CDKAL1: variants seen among roughly 807,000 people sequenced by gnomAD.
The protein encoded by CDKAL1 is CDKAL1 threonylcarbamoyladenosine tRNA methylthiotransferase.
Under a neutral mutation model 68.2 loss-of-function variants are expected in CDKAL1, and 32 were observed. That is an observed-to-expected ratio of 0.47 (90% CI 0.35 to 0.63). The LOEUF (loss-of-function observed/expected upper bound fraction) is 0.63. Among genes scored for constraint, CDKAL1 ranks in the 30% least tolerant of loss-of-function variants. The pLI is 0.00. For missense variants in CDKAL1, 606 were observed against 696.7 expected (o/e 0.87, Z 1.47); for synonymous variants, 234 against 244.3 (o/e 0.96, Z 0.39).
At chr6:20,549,532 GGT>G (rs1410169532) in intron 4 of CDKAL1, among the ~76,000 whole-genome samples, 2 of 151,208 alleles carry the variant, frequency 1.3e-5, no homozygotes, top group Non-Finnish European at 3.0e-5. Context: ...TTATTACTGT[GGT>G]GTTTACTTAA....
intron 4 of CDKAL1, among the ~76,000 whole-genome samples, chr6:20,562,599 G>A (rs1167080891): frequency 2.0e-5 from 3 of 151,850 alleles, no homozygotes; most frequent in Admixed American, 6.6e-5. Flanking sequence ...AAAATTAATC[G>A]GCTATGGTGG....
intron 11 of CDKAL1, among the ~76,000 whole-genome samples, chr6:21,001,694 T>C (rs1767436216): frequency 1.3e-5 from 2 of 152,258 alleles, no homozygotes; most frequent in Non-Finnish European, 2.9e-5. Flanking sequence ...AAGTATCTGC[T>C]GTTGGCCTAT....
chr6:20,907,586 C>A (rs1364456449), intron 9 of CDKAL1, among the ~76,000 whole-genome samples: 1 of 152,174 alleles, frequency 6.6e-6, no homozygotes, highest in East Asian at 1.9e-4. Flanking sequence ...CTAGGAGGTA[C>A]GTGTAGCAGT....
chr6:20,793,272 T>C (rs1775973345), intron 8 of CDKAL1, among the ~76,000 whole-genome samples: 1 of 152,202 alleles, frequency 6.6e-6, no homozygotes. Context: ...TTGGTCTTAT[T>C]TTTAAAATTT....
At chr6:20,697,615 C>T (rs549892480) in intron 5 of CDKAL1, among the ~76,000 whole-genome samples, 15 of 152,300 alleles carry the variant, frequency 9.8e-5, no homozygotes, top group Admixed American at 6.5e-4. Context: ...AAAGGAAGCA[C>T]ATTCATAAAC....
At chr6:20,793,590 CAA>C (rs1219087397) in intron 8 of CDKAL1, among the ~76,000 whole-genome samples, 1 of 151,844 alleles carries the variant, frequency 6.6e-6, no homozygotes, top group Non-Finnish European at 1.5e-5. Flanking sequence ...GATTGTTTAT[CAA>C]ATAATTTATC....
chr6:20,862,074 T>A (rs1007665511), intron 9 of CDKAL1, among the ~76,000 whole-genome samples: 1 of 152,352 alleles, frequency 6.6e-6, no homozygotes, highest in South Asian at 2.1e-4. Flanking sequence ...TACCGTTACA[T>A]TTAACTCATA....
chr6:21,169,456 G>A (rs1488452740), intron 13 of CDKAL1, among the ~76,000 whole-genome samples: 1 of 152,292 alleles, frequency 6.6e-6, no homozygotes, highest in Non-Finnish European at 1.5e-5. Context: ...CCAACATGGC[G>A]AAACCCTGTC....
intron 6 of CDKAL1, among the ~76,000 whole-genome samples, chr6:20,753,953 C>CTGTGTGTGTGTGTGTG (rs1256988409): frequency 1.8e-5 from 2 of 113,762 alleles, no homozygotes; most frequent in East Asian, 2.8e-4. Flanking sequence ...TCGTTATTAT[C>CTGTGTGTGTGTGTGTG]TGTATGTGTG....
chr6:20,710,541 TTAAG>T (rs1286121230), intron 5 of CDKAL1, among the ~76,000 whole-genome samples: 1 of 152,176 alleles, frequency 6.6e-6, no homozygotes, highest in Non-Finnish European at 1.5e-5. Flanking sequence ...ATCCGCATCA[TTAAG>T]TGACGAATGA....
chr6:20,586,996 T>TTC (rs1196979379), intron 4 of CDKAL1, among the ~76,000 whole-genome samples: 1 of 146,464 alleles, frequency 6.8e-6, no homozygotes, highest in Non-Finnish European at 1.5e-5. Flanking sequence ...TTTTTTTTTT[T>TTC]TTTTTTTGAG....
chr6:21,114,341 T>C (rs1026251484), intron 13 of CDKAL1, among the ~76,000 whole-genome samples: 1 of 151,394 alleles, frequency 6.6e-6, no homozygotes, highest in African/African-American at 2.4e-5. Flanking sequence ...AGATAAAAGA[T>C]GAGGAAAGTA....
chr6:20,950,969 G>GAAA (rs5874796), intron 9 of CDKAL1, among the ~76,000 whole-genome samples: 2 of 139,542 alleles, frequency 1.4e-5, no homozygotes, highest in Non-Finnish European at 3.1e-5. Flanking sequence ...AACAGTCTCA[G>GAAA]AAAAAAAAAA....
chr6:20,926,414 A>G (rs1173212515), intron 9 of CDKAL1, among the ~76,000 whole-genome samples: 1 of 152,154 alleles, frequency 6.6e-6, no homozygotes, highest in Non-Finnish European at 1.5e-5. Context: ...TTAAAAAAAG[A>G]GACTTCAGGA....
intron 9 of CDKAL1, among the ~76,000 whole-genome samples, chr6:20,915,353 C>T (rs1000400031): frequency 7.2e-5 from 11 of 152,078 alleles, no homozygotes; most frequent in Non-Finnish European, 1.6e-4. Flanking sequence ...CTGGCTCTCA[C>T]GACTGTGGGA....
chr6:21,128,878 A>AT (rs1775148710), intron 13 of CDKAL1, among the ~76,000 whole-genome samples: 1 of 152,236 alleles, frequency 6.6e-6, no homozygotes, highest in African/African-American at 2.4e-5. Context: ...ATAATGGACC[A>AT]TTGTACCATA....
chr6:20,734,032 C>A (rs1452994155), intron 5 of CDKAL1, among the ~76,000 whole-genome samples: 2 of 151,376 alleles, frequency 1.3e-5, no homozygotes. Context: ...GCCTGTAGTG[C>A]CAACTACTCA....
chr6:20,798,248 A>G (rs1237408974), intron 8 of CDKAL1, among the ~76,000 whole-genome samples: 1 of 152,152 alleles, frequency 6.6e-6, no homozygotes, highest in Non-Finnish European at 1.5e-5. Context: ...GTATAGCACA[A>G]GGGAATGTTC....
rs576848049 is a variant in CDKAL1 at position 21,046,692 on chromosome 6, G to A, written c.1056-18356G>A. On this transcript the variant is annotated intron_variant, in intron 11 of 15. Coordinates refer to ENST00000274695, the MANE Select transcript of CDKAL1 (RefSeq NM_017774.3). ...AGGGCCTTCACATAAAAGCTACAAC[G>A]TCTAACAAACAGACACATTTCATGT... Among the ~76,000 whole-genome samples the A allele has an allele frequency of 5.5e-4, 84 of 152,334 alleles. 3 individuals are homozygous for A. The highest frequency in any genetic ancestry group is 1.9e-3 in the African/African-American group (77 of 41,572).
Sources: allele counts gnomAD v4.1 joint callset (sites outside exome capture counted in the v4.1 genomes callset), GRCh38; gene constraint gnomAD v4.1.1; transcripts MANE v1.5; gene names NCBI Gene and HGNC (gene_info 2026-07-23, HGNC 2026-07-21).